BEND7: variants seen among roughly 807,000 people sequenced by gnomAD.
The protein encoded by BEND7 is BEN domain containing 7, also known as BEN domain-containing protein 7.
In BEND7, 28 loss-of-function variants were observed where a neutral mutation model predicts 50.9. The ratio of observed to expected loss-of-function variants is 0.55; its 90% CI spans 0.41 to 0.75. BEND7 has a LOEUF of 0.75. Among genes scored for constraint, BEND7 ranks in the 30% least tolerant of loss-of-function variants. BEND7 has a pLI of 0.00. For synonymous variants in BEND7, 170 were observed against 183.9 expected (o/e 0.92, Z 0.61); for missense variants, 477 against 491.3 (o/e 0.97, Z 0.28).
downstream of BEND7, chr10:13,438,825 C>T: frequency 4.0e-6 from 1 of 249,280 alleles, no homozygotes; most frequent in Non-Finnish European, 7.8e-6. Flanking sequence ...GGCTCCTGAT[C>T]CATCCATCCC....
chr10:13,465,687 A>G (rs2074171384), intron 6 of BEND7, among the ~76,000 whole-genome samples: 1 of 152,204 alleles, frequency 6.6e-6, no homozygotes, highest in Non-Finnish European at 1.5e-5. Flanking sequence ...GGAGACTTTA[A>G]AAGTTAGTCA....
At chr10:13,514,190 T>C (rs1195303885) in intron 2 of BEND7, among the ~76,000 whole-genome samples, 1 of 152,160 alleles carries the variant, frequency 6.6e-6, no homozygotes, top group African/African-American at 2.4e-5. Context: ...CACAACCTAG[T>C]GGGTTCTACA....
intron 2 of BEND7, among the ~76,000 whole-genome samples, chr10:13,524,915 A>G (rs564327900): frequency 1.3e-5 from 2 of 152,180 alleles, no homozygotes; most frequent in East Asian, 3.9e-4. Flanking sequence ...TAAAGTATAT[A>G]TTAATATTTG....
At chr10:13,465,449 G>C (rs559296880) in intron 6 of BEND7, among the ~76,000 whole-genome samples, 1 of 152,310 alleles carries the variant, frequency 6.6e-6, no homozygotes, top group African/African-American at 2.4e-5. Context: ...CAAAAGTCAA[G>C]GATTGCAAAA....
At position 13,528,560 on chromosome 10, in the gene BEND7, TGAG is replaced by T. The variant is rs2079566855; in HGVS notation, c.-30_-28del. ...GTGCGGGGAAGGCGGCGGCGGGGGC[TGAG>T]GAGGCGGCGGCAGCGGCGGCAGCGG... On this transcript the variant is annotated 5_prime_UTR_variant, in exon 1 of 9. Coordinates refer to ENST00000466271, the MANE Select transcript of BEND7 (RefSeq NM_001369863.1). The T allele has an allele frequency of 4.1e-6, 4 of 987,224 alleles. No individual in the cohort carries two copies. The highest frequency in any genetic ancestry group is 4.1e-5 in the South Asian group (1 of 24,300). The allele number at this position is 987,224 out of a possible 1,614,324, so 61.2% of individuals were successfully genotyped here.
At position 13,496,758 on chromosome 10, in the gene BEND7, C is replaced by T. The variant is rs746309655; in HGVS notation, c.571+8G>A. On this transcript the variant is annotated splice_region_variant and intron_variant, in intron 4 of 8. Transcript: ENST00000466271. ...CAAAGGACTCATTCCGAGGCCTGAT[C>T]CTTGTACCTGCTTGAATTTGCATTA... The T allele has an allele frequency of 1.1e-5, 18 of 1,611,968 alleles. 1 individual carries two copies. The Admixed American group carries it at 3.0e-4, about 27-fold the overall frequency.
intron 8 of BEND7, 175 bp from the exon 9 acceptor site, chr10:13,441,925 T>C (rs966079925): frequency 6.1e-6 from 4 of 652,994 alleles, no homozygotes; most frequent in East Asian, 2.8e-5. Flanking sequence ...GTAGTTAGAT[T>C]GATTCTACAA....
intron 7 of BEND7, among the ~76,000 whole-genome samples, chr10:13,449,864 T>C (rs558302878): frequency 7.5e-4 from 114 of 152,346 alleles, no homozygotes; most frequent in African/African-American, 2.7e-3. Context: ...GAAGGCACTG[T>C]TGTGTTACTC....
upstream of BEND7, among the ~76,000 whole-genome samples, chr10:13,529,514 A>C (rs2079589444): frequency 6.6e-6 from 1 of 152,138 alleles, no homozygotes; most frequent in Admixed American, 6.5e-5. Context: ...CCCATTCCCT[A>C]ACCCAGGCTG....
downstream of BEND7, chr10:13,439,616 G>T: frequency 2.1e-6 from 2 of 974,298 alleles, no homozygotes; most frequent in Non-Finnish European, 1.5e-6. Flanking sequence ...CTCCTGGTTC[G>T]TCAGCCAGAA....
At chr10:13,501,382 A>G (rs886307039) in intron 2 of BEND7, among the ~76,000 whole-genome samples, 3 of 150,364 alleles carry the variant, frequency 2.0e-5, no homozygotes, top group African/African-American at 7.3e-5. Flanking sequence ...CTCAAAAAAA[A>G]AAAAAAAAAA....
intron 5 of BEND7, among the ~76,000 whole-genome samples, chr10:13,485,596 A>G (rs565012955): frequency 2.6e-5 from 4 of 152,382 alleles, no homozygotes; most frequent in Non-Finnish European, 4.4e-5. Flanking sequence ...AACAGGATTC[A>G]TAAGAGTGCT....
At chr10:13,450,509 T>C (rs753565820) in intron 7 of BEND7, among the ~76,000 whole-genome samples, 8 of 152,136 alleles carry the variant, frequency 5.3e-5, no homozygotes, top group Non-Finnish European at 1.2e-4. Flanking sequence ...TTTGACAAAA[T>C]GGGGAGACAA....
chr10:13,505,472 C>G (rs1250559263), intron 2 of BEND7, among the ~76,000 whole-genome samples: 2 of 152,262 alleles, frequency 1.3e-5, no homozygotes, highest in African/African-American at 4.8e-5. Flanking sequence ...TTTCTCTCCC[C>G]TGCCAGGCCA....
At chr10:13,528,437 C>T in intron 1 of BEND7, 36 bp downstream of exon 1, 1 of 988,300 alleles carries the variant, frequency 1.0e-6, no homozygotes, top group Non-Finnish European at 1.2e-6. Flanking sequence ...GGCGCGGCGC[C>T]CGCTGCCTGC....
At chr10:13,465,334 T>G (rs1006467331) in intron 6 of BEND7, among the ~76,000 whole-genome samples, 1 of 152,192 alleles carries the variant, frequency 6.6e-6, no homozygotes, top group Admixed American at 6.5e-5. Context: ...GGAAATAAAG[T>G]ATTGCAGACA....
rs930407504 is a variant in BEND7 at position 13,474,806 on chromosome 10, C to T, written c.1063+6093G>A. ...TTGGACTCGGGTTGATACCCATCAT[C>T]GCTTTTGGACTCTGGTCGATACTCA... On this transcript the variant is annotated intron_variant, in intron 6 of 8. Transcript: ENST00000466271. Among the ~76,000 whole-genome samples, 7 of 152,204 alleles carry T rather than the reference C, an allele frequency of 4.6e-5. No homozygotes were observed. In the South Asian group the frequency reaches 8.3e-4, roughly 18 times the overall value.
chr10:13,462,511 G>A (rs1192530083), intron 6 of BEND7, among the ~76,000 whole-genome samples: 2 of 152,206 alleles, frequency 1.3e-5, no homozygotes, highest in African/African-American at 4.8e-5. Flanking sequence ...TTTGGGTGGA[G>A]ACACAGCCAA....
intron 6 of BEND7, among the ~76,000 whole-genome samples, chr10:13,467,195 C>T (rs2074339680): frequency 6.6e-6 from 1 of 152,182 alleles, no homozygotes; most frequent in South Asian, 2.1e-4. Context: ...GGTTCACATT[C>T]TGAGGCTGAC....
Sources: allele counts gnomAD v4.1 joint callset (sites outside exome capture counted in the v4.1 genomes callset), GRCh38; gene constraint gnomAD v4.1.1; transcripts MANE v1.5; gene names NCBI Gene and HGNC (gene_info 2026-07-23, HGNC 2026-07-21).